Variants in CAMKMT observed in about 807,000 individuals in gnomAD.
CAMKMT encodes calmodulin-lysine N-methyltransferase.
CAMKMT carries 53 observed loss-of-function variants against 48.0 expected under a neutral mutation model. The ratio of observed to expected loss-of-function variants is 1.10; its 90% CI spans 0.89 to 1.39. The LOEUF (loss-of-function observed/expected upper bound fraction) is 1.39, where lower values mean the gene tolerates loss of function less well. Ranked by LOEUF, CAMKMT falls within the 40% of genes most tolerant of loss-of-function variation. The pLI is 0.00. For synonymous variants in CAMKMT, 165 were observed against 152.3 expected (o/e 1.08, Z -0.61); for missense variants, 428 against 402.7 (o/e 1.06, Z -0.54).
Position 44,656,967 on chromosome 2 carries a change from C to T in CAMKMT, c.377-47316C>T, listed in dbSNP as rs1573007441. Among the ~76,000 whole-genome samples, 4 of 152,194 alleles carry T rather than the reference C, an allele frequency of 2.6e-5. No individual in the cohort carries two copies. The South Asian group carries it at 8.3e-4, about 32-fold the overall frequency. ...CAGGGCCACAAGTGCTCTCAAGAAG[C>T]ACCTACTATCAGAAAGAACCACAAA... On this transcript the variant is annotated intron_variant, in intron 3 of 10. Transcript: ENST00000378494.
chr2:44,595,154 A>C (rs867190922), intron 3 of CAMKMT, among the ~76,000 whole-genome samples: 2 of 152,198 alleles, frequency 1.3e-5, no homozygotes, highest in African/African-American at 4.8e-5. Flanking sequence ...AGGAAACAAC[A>C]GATGCTGGAG....
intron 3 of CAMKMT, among the ~76,000 whole-genome samples, chr2:44,594,294 A>G (rs1405041360): frequency 1.3e-5 from 2 of 152,200 alleles, no homozygotes; most frequent in Non-Finnish European, 2.9e-5. Flanking sequence ...CTTTCTTCAC[A>G]GAATTGGAAA....
At chr2:44,493,034 C>T (rs1340395460) in intron 3 of CAMKMT, among the ~76,000 whole-genome samples, 3 of 151,894 alleles carry the variant, frequency 2.0e-5, no homozygotes, top group Non-Finnish European at 4.4e-5. Flanking sequence ...GCTGGGATTA[C>T]AGGCATGTAC....
At chr2:44,673,012 G>GTAATGATCTTAA (rs1301563521) in intron 3 of CAMKMT, among the ~76,000 whole-genome samples, 1 of 152,158 alleles carries the variant, frequency 6.6e-6, no homozygotes, top group Non-Finnish European at 1.5e-5. Context: ...GAAATAGGGA[G>GTAATGATCTTAA]TAATGATCTT....
At chr2:44,733,310 A>C (rs1207324364) in intron 7 of CAMKMT, among the ~76,000 whole-genome samples, 2 of 152,226 alleles carry the variant, frequency 1.3e-5, no homozygotes, top group Non-Finnish European at 2.9e-5. Context: ...TAAACAGTAT[A>C]AAATTGGAAA....
chr2:44,665,781 C>G (rs983128773), intron 3 of CAMKMT, among the ~76,000 whole-genome samples: 1 of 152,110 alleles, frequency 6.6e-6, no homozygotes, highest in Admixed American at 6.5e-5. Context: ...ATGAATTAGT[C>G]AAGGATCAGA....
intron 3 of CAMKMT, among the ~76,000 whole-genome samples, chr2:44,504,512 C>G (rs897433570): frequency 5.3e-5 from 8 of 152,120 alleles, no homozygotes; most frequent in African/African-American, 1.9e-4. Flanking sequence ...TTAATGGATG[C>G]CTATGATGTG....
intron 3 of CAMKMT, among the ~76,000 whole-genome samples, chr2:44,665,442 G>A (rs1674913536): frequency 6.6e-6 from 1 of 152,164 alleles, no homozygotes; most frequent in African/African-American, 2.4e-5. Context: ...AAAGGTTTAA[G>A]ATCAACCAAG....
chr2:44,646,864 G>A (rs527559182), intron 3 of CAMKMT, among the ~76,000 whole-genome samples: 6 of 152,248 alleles, frequency 3.9e-5, no homozygotes, highest in Non-Finnish European at 8.8e-5. Flanking sequence ...GTTAGTAAAC[G>A]ATGGTTCATG....
At chr2:44,559,486 C>G (rs142145154) in intron 3 of CAMKMT, among the ~76,000 whole-genome samples, 62 of 152,282 alleles carry the variant, frequency 4.1e-4, no homozygotes, top group African/African-American at 1.4e-3. Flanking sequence ...TATTTCATGA[C>G]AACTCTCATG....
At chr2:44,378,164 CTG>C (rs1180039221) in intron 2 of CAMKMT, among the ~76,000 whole-genome samples, 9 of 152,138 alleles carry the variant, frequency 5.9e-5, no homozygotes, top group African/African-American at 1.7e-4. Context: ...TTCCAGAAAA[CTG>C]TGAATTCCAT....
At chr2:44,522,036 A>C (rs1572706390) in intron 3 of CAMKMT, among the ~76,000 whole-genome samples, 1 of 143,794 alleles carries the variant, frequency 7.0e-6, no homozygotes, top group Admixed American at 7.0e-5. Flanking sequence ...ACAGACTCTC[A>C]CTCTGTCACC....
Position 44,620,394 on chromosome 2 carries a change from A to G in CAMKMT, c.377-83889A>G, listed in dbSNP as rs940028818. On this transcript the variant is annotated intron_variant, in intron 3 of 10. Coordinates refer to ENST00000378494, the MANE Select transcript of CAMKMT (RefSeq NM_024766.5). ...ACCCTCTTTTATGCTTACTCATCCT[A>G]TCATTAACCCTACATAAAGCTAAAA... Among the ~76,000 whole-genome samples the G allele has an allele frequency of 7.9e-5, 12 of 152,114 alleles. No individual in the cohort carries two copies. In the East Asian group the frequency reaches 2.3e-3, roughly 29 times the overall value.
At chr2:44,734,355 A>C (rs927191670) in intron 7 of CAMKMT, among the ~76,000 whole-genome samples, 2 of 151,912 alleles carry the variant, frequency 1.3e-5, no homozygotes, top group Non-Finnish European at 2.9e-5. Flanking sequence ...ATATTTGAGA[A>C]TTTTACAGAG....
chr2:44,607,591 A>C (rs1029015847), intron 3 of CAMKMT, among the ~76,000 whole-genome samples: 1 of 152,166 alleles, frequency 6.6e-6, no homozygotes, highest in Admixed American at 6.5e-5. Context: ...TGAATTATTG[A>C]TATGTTTTTT....
At chr2:44,419,267 G>A (rs958036172) in intron 3 of CAMKMT, among the ~76,000 whole-genome samples, 2 of 152,178 alleles carry the variant, frequency 1.3e-5, no homozygotes, top group Non-Finnish European at 2.9e-5. Context: ...ATGATGCCTT[G>A]GCCAGCTCTT....
chr2:44,445,703 G>A (rs1178492842), intron 3 of CAMKMT, among the ~76,000 whole-genome samples: 1 of 112,212 alleles, frequency 8.9e-6, no homozygotes, highest in African/African-American at 3.4e-5. Flanking sequence ...TACCAGTTGG[G>A]CTTTTGGTCT....
chr2:44,637,672 G>C (rs1466713279), intron 3 of CAMKMT, among the ~76,000 whole-genome samples: 1 of 151,906 alleles, frequency 6.6e-6, no homozygotes, highest in Non-Finnish European at 1.5e-5. Context: ...AGGTGTGATT[G>C]CTTTGTTAAG....
intron 3 of CAMKMT, among the ~76,000 whole-genome samples, chr2:44,459,114 A>T (rs1238004209): frequency 6.6e-6 from 1 of 152,202 alleles, no homozygotes; most frequent in African/African-American, 2.4e-5. Context: ...AAAAAAAAAA[A>T]GATTTAGGAA....
Sources: gnomAD v4.1 joint callset for allele counts (sites outside exome capture counted in the v4.1 genomes callset) on GRCh38, gnomAD v4.1.1 for gene constraint, MANE v1.5 for transcripts, NCBI Gene and HGNC (gene_info 2026-07-23, HGNC 2026-07-21) for gene names.